Variants in INO80C observed in about 807,000 individuals in gnomAD.
The protein encoded by INO80C is INO80 complex subunit C.
INO80C carries 17 observed loss-of-function variants against 17.7 expected under a neutral mutation model. That is an observed-to-expected ratio of 0.96 (90% confidence interval 0.66 to 1.44). The LOEUF is 1.44. Among genes scored for constraint, INO80C ranks in the 40% most tolerant of loss-of-function variants. The pLI, the probability that INO80C is intolerant of heterozygous loss-of-function variation, is 0.00. For synonymous variants in INO80C, 96 were observed against 95.8 expected (o/e 1.00, Z -0.01); for missense variants, 244 against 245.0 (o/e 1.00, Z 0.03).
Position 35,468,687 on chromosome 18 carries a change from GAA to G in INO80C, c.501_502del (p.Ser168LeufsTer8). On this transcript the variant is annotated frameshift_variant, in exon 5 of 5. Coordinates refer to ENST00000334598, the MANE Select transcript of INO80C (RefSeq NM_194281.4). LOFTEE classifies it high-confidence loss of function. Reference sequence around the variant, plus strand: ...GTCAGAGGGCAGCCTCCGAATGTAGGAAAACTCTTCAATGGTGCTGAACCGCA... The same window carrying G: ...GTCAGAGGGCAGCCTCCGAATGTAGGAACTCTTCAATGGTGCTGAACCGCA... 6.2e-7 allele frequency: 1 copy of G among 1,614,178 alleles called. No individual in the cohort carries two copies. Among genetic ancestry groups the G allele is most frequent in the Non-Finnish European group, 8.5e-7 (1 of 1,180,024 alleles).
intron 2 of INO80C, among the ~76,000 whole-genome samples, chr18:35,479,860 A>G (rs1051445809): frequency 6.6e-6 from 1 of 151,622 alleles, no homozygotes; most frequent in African/African-American, 2.4e-5. Flanking sequence ...CCCCAGTTGC[A>G]GTATGGGTAC....
chr18:35,496,062 G>A (rs73416813), intron 1 of INO80C, among the ~76,000 whole-genome samples: 2,967 of 152,266 alleles, frequency 0.019, 109 homozygotes, highest in African/African-American at 0.069. Flanking sequence ...TACTTTGCCG[G>A]TAAGAATGCA....
intron 1 of INO80C, among the ~76,000 whole-genome samples, chr18:35,492,171 T>C (rs1047354136): frequency 6.6e-6 from 1 of 152,246 alleles, no homozygotes; most frequent in Non-Finnish European, 1.5e-5. Flanking sequence ...GTTATATCTA[T>C]GTCATAGAAT....
chr18:35,476,330 A>C (rs1168283401), intron 4 of INO80C, among the ~76,000 whole-genome samples: 2 of 152,192 alleles, frequency 1.3e-5, no homozygotes, highest in Non-Finnish European at 2.9e-5. Context: ...GGATGACTAA[A>C]TTTGATATAG....
chr18:35,488,820 G>A (rs1370743090), intron 1 of INO80C, among the ~76,000 whole-genome samples: 2 of 152,080 alleles, frequency 1.3e-5, no homozygotes, highest in Admixed American at 6.6e-5. Context: ...CTTTTAAAAC[G>A]GAATGCTTTT....
intron 1 of INO80C, among the ~76,000 whole-genome samples, chr18:35,481,868 C>T (rs1418508128): frequency 1.3e-5 from 2 of 152,122 alleles, no homozygotes; most frequent in Non-Finnish European, 2.9e-5. Flanking sequence ...TGGGCAACAG[C>T]GAGACTCTAC....
rs2045627116 is a variant in INO80C, at chr18:35,468,381, T to C, written c.*230A>G. The C allele has an allele frequency of 1.5e-6, 2 of 1,370,226 alleles. No homozygotes were observed. Among genetic ancestry groups the C allele is most frequent in the Admixed American group, 3.0e-5 (1 of 33,308 alleles). The allele number at this position is 1,370,226 out of a possible 1,614,324, so 84.9% of individuals were successfully genotyped here. The stretch of plus-strand genomic sequence containing the variant: ...GTATCTTCTTGTCAAACACCTTTAC[T>C]TGAGGCAACAACTGAAGTATAATTT... On this transcript the variant is annotated 3_prime_UTR_variant, in exon 5 of 5. Transcript: ENST00000334598.
intron 1 of INO80C, chr18:35,497,395 G>A: frequency 9.1e-7 from 1 of 1,094,974 alleles, no homozygotes; most frequent in Non-Finnish European, 1.1e-6. Flanking sequence ...GGGAAGACAC[G>A]CAAATTTCTG....
intron 1 of INO80C, among the ~76,000 whole-genome samples, chr18:35,488,007 T>C (rs1052670608): frequency 6.6e-6 from 1 of 152,234 alleles, no homozygotes; most frequent in African/African-American, 2.4e-5. Context: ...TTTGACTCCA[T>C]GTCTCACATC....
intron 4 of INO80C, among the ~76,000 whole-genome samples, chr18:35,476,586 A>AT (rs2045739322): frequency 6.6e-6 from 1 of 152,220 alleles, no homozygotes; most frequent in Non-Finnish European, 1.5e-5. Context: ...AAGGGAAATA[A>AT]GCAACACAAA....
chr18:35,487,399 TG>T, intron 1 of INO80C: 3 of 398,512 alleles, frequency 7.5e-6, no homozygotes, highest in South Asian at 1.8e-5. Flanking sequence ...TCCACGCGGC[TG>T]GGGAGGCCTC....
In INO80C at chr18:35,486,672, C is replaced by T. The variant is rs192713283; in HGVS notation, c.157-6109G>A. Among the ~76,000 whole-genome samples, 154 of 151,374 alleles carry T rather than the reference C, an allele frequency of 1.0e-3. 2 individuals carry two copies. In the South Asian group the frequency reaches 0.011, roughly 11 times the overall value. On this transcript the variant is annotated intron_variant, in intron 1 of 4. Coordinates refer to ENST00000334598, the MANE Select transcript of INO80C (RefSeq NM_194281.4). ...ATGGCCTGTTGTAGTTCTGGTTACT[C>T]GGGAGACTGAGAAGGGAGGATCACT...
chr18:35,478,173 G>C (rs2045759809), intron 4 of INO80C, 109 bp downstream of exon 4: 1 of 832,216 alleles, frequency 1.2e-6, no homozygotes, highest in African/African-American at 1.7e-5. Flanking sequence ...TATCACTGTA[G>C]ACAGGCTCCA....
intron 1 of INO80C, among the ~76,000 whole-genome samples, chr18:35,488,082 C>G (rs2045895389): frequency 6.6e-6 from 1 of 152,204 alleles, no homozygotes; most frequent in African/African-American, 2.4e-5. Flanking sequence ...TGTGGCTTTG[C>G]AGGGTATAGC....
At chr18:35,474,193 A>ATG (rs1228423728) in intron 4 of INO80C, among the ~76,000 whole-genome samples, 52 of 106,508 alleles carry the variant, frequency 4.9e-4, no homozygotes, top group African/African-American at 1.0e-3. Flanking sequence ...ATATGTGTAT[A>ATG]TGTGTGTGTG....
intron 4 of INO80C, 41 bp from the exon 5 acceptor site, chr18:35,468,783 C>T: frequency 6.3e-7 from 1 of 1,580,844 alleles, no homozygotes; most frequent in East Asian, 2.2e-5. Flanking sequence ...AAAGTTTTTG[C>T]TGGTAGGGAT....
intron 4 of INO80C, among the ~76,000 whole-genome samples, chr18:35,473,237 T>C (rs1180550654): frequency 1.3e-5 from 2 of 152,128 alleles, no homozygotes; most frequent in Non-Finnish European, 2.9e-5. Context: ...CCAGATGAGC[T>C]CTCTTGCCAT....
chr18:35,479,226 C>G, intron 3 of INO80C, 74 bp downstream of exon 3: 2 of 929,952 alleles, frequency 2.2e-6, no homozygotes, highest in Non-Finnish European at 3.5e-6. Flanking sequence ...AAACACAATA[C>G]AATAATGTAG....
Position 35,474,524 on chromosome 18 carries a change from T to TA in INO80C, c.447+3757dup, listed in dbSNP as rs543453535. On this transcript the variant is annotated intron_variant, in intron 4 of 4. Transcript: ENST00000334598. ...GCAACACAGTAAGACCCCTTCTCTA[T>TA]AAAAAAAAATTTAAAAGCCAGGTGT... Among the ~76,000 whole-genome samples the TA allele has an allele frequency of 5.2e-3, 786 of 149,814 alleles. 6 individuals are homozygous for TA. The highest frequency in any genetic ancestry group is 0.018 in the African/African-American group (735 of 40,852).
Sources: allele counts gnomAD v4.1 joint callset (sites outside exome capture counted in the v4.1 genomes callset), GRCh38; gene constraint gnomAD v4.1.1; transcripts MANE v1.5; gene names NCBI Gene and HGNC (gene_info 2026-07-23, HGNC 2026-07-21).